Variants in PTPRD observed in about 807,000 individuals in gnomAD.
PTPRD encodes the protein receptor-type tyrosine-protein phosphatase delta.
Under a neutral mutation model 214.5 loss-of-function variants are expected in PTPRD, and 34 were observed. The observed-to-expected ratio is 0.16, with a 90% CI of 0.12 to 0.21. The LOEUF is 0.21. Among genes scored for constraint, PTPRD ranks in the 10% least tolerant of loss-of-function variants. The pLI is 1.00. For synonymous variants in PTPRD, 1,128 were observed against 845.7 expected (o/e 1.33, Z -5.79); for missense variants, 2,545 against 2,398.7 (o/e 1.06, Z -1.27).
At chr9:9,913,015 T>C (rs2153831941) in intron 5 of PTPRD, among the ~76,000 whole-genome samples, 1 of 152,298 alleles carries the variant, frequency 6.6e-6, no homozygotes, top group Middle Eastern at 3.4e-3. Flanking sequence ...CTGTAAACAT[T>C]CTTATAAGTT....
intron 10 of PTPRD, among the ~76,000 whole-genome samples, chr9:9,120,715 T>A (rs1322765046): frequency 6.6e-6 from 1 of 152,206 alleles, no homozygotes; most frequent in Non-Finnish European, 1.5e-5. Context: ...AGCACCTGTA[T>A]ATTCATAACT....
intron 3 of PTPRD, among the ~76,000 whole-genome samples, chr9:10,203,628 C>A (rs1383747719): frequency 1.3e-5 from 2 of 152,158 alleles, no homozygotes; most frequent in African/African-American, 2.4e-5. Context: ...AGGATTCCAT[C>A]ATTTATTCCA....
chr9:10,101,275 G>A lies in PTPRD; in HGVS notation c.-544-67485C>T, dbSNP rs189570032. ...GCTGAAAGTAAGGAATGAAGGTGTG[G>A]AAATTGATGTAGGTGTGAAATTTTA... is the stretch of plus-strand genomic sequence containing the variant. On this transcript the variant is annotated intron_variant, in intron 3 of 45. Coordinates refer to ENST00000381196, the MANE Select transcript of PTPRD (RefSeq NM_002839.4). 4.6e-5 allele frequency among the ~76,000 whole-genome samples: 7 copies of A among 151,780 alleles called. No individual in the cohort carries two copies. In the East Asian group the frequency reaches 1.4e-3, roughly 30 times the overall value.
chr9:9,900,558 G>A lies in PTPRD; in HGVS notation c.-368+37949C>T, dbSNP rs561532182. 4.0e-3 allele frequency among the ~76,000 whole-genome samples: 603 copies of A among 151,812 alleles called. 2 individuals carry two copies. Among genetic ancestry groups the A allele is most frequent in the Non-Finnish European group, 6.2e-3 (419 of 67,996 alleles). On this transcript the variant is annotated intron_variant, in intron 5 of 45. Transcript: ENST00000381196. Reference sequence around the variant, plus strand: ...TCTAAGAAGTTCTAAACTTTCTTTCGTCATCCTGTCTTCTTGAGAGCCCTC... The same window carrying A: ...TCTAAGAAGTTCTAAACTTTCTTTCATCATCCTGTCTTCTTGAGAGCCCTC...
At chr9:10,086,847 A>T (rs2098347060) in intron 3 of PTPRD, among the ~76,000 whole-genome samples, 1 of 151,838 alleles carries the variant, frequency 6.6e-6, no homozygotes, top group South Asian at 2.1e-4. Context: ...TACAATTTAA[A>T]TGCCTTTTGT....
At chr9:9,370,097 C>CT (rs2059043039) in intron 9 of PTPRD, among the ~76,000 whole-genome samples, 1 of 152,074 alleles carries the variant, frequency 6.6e-6, no homozygotes, top group South Asian at 2.1e-4. Context: ...GATGCGGGCT[C>CT]TTTTTTCGTT....
intron 9 of PTPRD, among the ~76,000 whole-genome samples, chr9:9,221,048 G>C (rs748377782): frequency 6.6e-6 from 1 of 151,976 alleles, no homozygotes; most frequent in African/African-American, 2.4e-5. Context: ...TGAAATATCG[G>C]GTGTGAAGAC....
rs1244308373 is a variant in PTPRD, at chr9:9,152,881, G to A, written c.-143+30423C>T. On this transcript the variant is annotated intron_variant, in intron 10 of 45. Coordinates refer to ENST00000381196, the MANE Select transcript of PTPRD (RefSeq NM_002839.4). ...CTTCGTGAACCAGAACCGATGAGAG[G>A]GGCACACATTTACTTGTGAATTAAG... 2.0e-5 allele frequency among the ~76,000 whole-genome samples: 3 copies of A among 152,232 alleles called. No homozygotes were observed. The East Asian group carries it at 5.8e-4, about 29-fold the overall frequency.
chr9:9,241,476 G>A (rs1199585245), intron 9 of PTPRD, among the ~76,000 whole-genome samples: 1 of 152,036 alleles, frequency 6.6e-6, no homozygotes, highest in Non-Finnish European at 1.5e-5. Flanking sequence ...AATATGACCA[G>A]ACAACTTTGA....
chr9:9,688,436 A>C (rs758371237), intron 7 of PTPRD, among the ~76,000 whole-genome samples: 5 of 151,806 alleles, frequency 3.3e-5, no homozygotes, highest in Non-Finnish European at 7.4e-5. Context: ...CCCAATATGT[A>C]TTTGGTTCCT....
intron 11 of PTPRD, among the ~76,000 whole-genome samples, chr9:8,806,214 C>A (rs1264816909): frequency 1.4e-5 from 2 of 147,914 alleles, no homozygotes; most frequent in Non-Finnish European, 1.5e-5. Context: ...CATGGAGATA[C>A]TGCGCCTGGC....
intron 25 of PTPRD, among the ~76,000 whole-genome samples, chr9:8,498,003 ACTTT>A (rs1200568647): frequency 1.3e-5 from 2 of 152,174 alleles, no homozygotes; most frequent in African/African-American, 2.4e-5. Flanking sequence ...TACTACGATA[ACTTT>A]CTTTTTATAG....
chr9:8,744,257 G>A (rs10977274), intron 11 of PTPRD, among the ~76,000 whole-genome samples: 106,665 of 152,102 alleles, frequency 0.7, 37,451 homozygotes, highest in Middle Eastern at 0.77. Context: ...TTAAAGAACT[G>A]AAAGTAGATC....
At chr9:9,273,233 A>C (rs1167957325) in intron 9 of PTPRD, among the ~76,000 whole-genome samples, 4 of 151,216 alleles carry the variant, frequency 2.6e-5, no homozygotes, top group Non-Finnish European at 5.9e-5. Context: ...AGTTTTTGAG[A>C]CCTAACTACC....
intron 10 of PTPRD, among the ~76,000 whole-genome samples, chr9:9,104,929 G>A (rs755725400): frequency 6.6e-6 from 1 of 152,288 alleles, no homozygotes; most frequent in Middle Eastern, 3.4e-3. Context: ...GATAGGAAAA[G>A]ATAATTGCCA....
chr9:8,506,015 T>C (rs982020565), intron 22 of PTPRD, among the ~76,000 whole-genome samples: 1 of 152,244 alleles, frequency 6.6e-6, no homozygotes, highest in Non-Finnish European at 1.5e-5. Flanking sequence ...GAGTGCTTGA[T>C]TTATATTGGC....
intron 35 of PTPRD, among the ~76,000 whole-genome samples, chr9:8,429,350 C>A (rs1433737035): frequency 6.6e-6 from 1 of 152,088 alleles, no homozygotes; most frequent in African/African-American, 2.4e-5. Context: ...CAGTCTTATG[C>A]TCCTTACCTC....
chr9:8,348,107 T>G lies in PTPRD; in HGVS notation c.4662-6129A>C, dbSNP rs534691573. On this transcript the variant is annotated intron_variant, in intron 39 of 45. Transcript: ENST00000381196. ...GAATAACTAACAGAAAGCCATCGGC[T>G]GAAAGGCAGTGAGGGAAAAAGAGGG... Among the ~76,000 whole-genome samples, 6 of 152,282 alleles carry G rather than the reference T, an allele frequency of 3.9e-5. No individual in the cohort carries two copies. The South Asian group carries it at 1.2e-3, about 32-fold the overall frequency.
chr9:10,557,389 C>G (rs994675195), intron 2 of PTPRD, among the ~76,000 whole-genome samples: 3 of 152,092 alleles, frequency 2.0e-5, no homozygotes, highest in Non-Finnish European at 2.9e-5. Flanking sequence ...CTCTCTTTCT[C>G]CCTCTCTCCT....
Sources: allele counts gnomAD v4.1 joint callset (sites outside exome capture counted in the v4.1 genomes callset), GRCh38; gene constraint gnomAD v4.1.1; transcripts MANE v1.5; gene names NCBI Gene and HGNC (gene_info 2026-07-23, HGNC 2026-07-21).